ST3GAL1: variants seen among roughly 807,000 people sequenced by gnomAD.
The protein encoded by ST3GAL1 is ST3 beta-galactoside alpha-2,3-sialyltransferase 1.
A neutral mutation model predicts 34.1 loss-of-function variants in ST3GAL1; 16 were observed. That is an observed-to-expected ratio of 0.47 (90% CI 0.32 to 0.71). The LOEUF is 0.71. ST3GAL1 is among the 30% of genes least tolerant of loss of function. The probability of loss-of-function intolerance (pLI) is 0.04; values close to 1 mark genes in which losing one functional copy is unlikely to be tolerated. For missense variants in ST3GAL1, 353 were observed against 447.4 expected (o/e 0.79, Z 1.90); for synonymous variants, 191 against 184.7 (o/e 1.03, Z -0.28).
At chr8:133,471,578 C>T (rs1815964114) in intron 5 of ST3GAL1, among the ~76,000 whole-genome samples, 1 of 152,166 alleles carries the variant, frequency 6.6e-6, no homozygotes, top group African/African-American at 2.4e-5. Context: ...AAGTGAGTTT[C>T]CCAGGACCAA....
At chr8:133,470,193 G>A (rs890897740) in intron 5 of ST3GAL1, among the ~76,000 whole-genome samples, 13 of 152,212 alleles carry the variant, frequency 8.5e-5, no homozygotes, top group Non-Finnish European at 1.9e-4. Context: ...GCCAAGGCGG[G>A]TGGGTCACCT....
chr8:133,467,114 C>T lies in ST3GAL1; in HGVS notation c.307-1024G>A, dbSNP rs907564296. Among the ~76,000 whole-genome samples, 4 of 150,612 alleles carry T rather than the reference C, an allele frequency of 2.7e-5. No individual in the cohort carries two copies. Among genetic ancestry groups the T allele is most frequent in the African/African-American group, 7.3e-5 (3 of 41,070 alleles). Reference sequence around the variant, plus strand: ...CAACTCGAAAAAAAAAAAAAAAAGACCTAGCTCGAGGGTCAGCTGCTCGCA... The same window carrying T: ...CAACTCGAAAAAAAAAAAAAAAAGATCTAGCTCGAGGGTCAGCTGCTCGCA... On this transcript the variant is annotated intron_variant, in intron 5 of 9. Coordinates refer to ENST00000522652, the MANE Select transcript of ST3GAL1 (RefSeq NM_173344.3). The surrounding 1 kb of genome is among the most constrained non-coding windows in gnomAD (Gnocchi z 4.2).
At chr8:133,550,939 A>G (rs532409242) in intron 1 of ST3GAL1, among the ~76,000 whole-genome samples, 84 of 152,330 alleles carry the variant, frequency 5.5e-4, no homozygotes, top group Middle Eastern at 6.8e-3. Flanking sequence ...CTAGAAGTAA[A>G]GCTGGATACC....
chr8:133,530,265 CT>C (rs370726563), intron 2 of ST3GAL1, among the ~76,000 whole-genome samples: 85 of 140,808 alleles, frequency 6.0e-4, no homozygotes, highest in African/African-American at 1.9e-3. Flanking sequence ...CTGAGGCCTT[CT>C]TTTTTTTTTC....
intron 1 of ST3GAL1, among the ~76,000 whole-genome samples, chr8:133,551,925 G>C (rs560472788): frequency 1.3e-5 from 2 of 152,356 alleles, no homozygotes; most frequent in African/African-American, 4.8e-5. Flanking sequence ...ATGGAGGCTT[G>C]AGGAGATTAA....
chr8:133,507,751 G>A (rs373896149), intron 2 of ST3GAL1, among the ~76,000 whole-genome samples: 2 of 152,166 alleles, frequency 1.3e-5, no homozygotes, highest in African/African-American at 2.4e-5. Context: ...AGCAAATTAC[G>A]CCCGGTGACC....
intron 9 of ST3GAL1, among the ~76,000 whole-genome samples, chr8:133,460,163 C>A (rs1232992430): frequency 6.6e-6 from 1 of 152,208 alleles, no homozygotes; most frequent in Non-Finnish European, 1.5e-5. Flanking sequence ...TCCAGAAGCA[C>A]CCTGAGAGAT....
In ST3GAL1 at chr8:133,469,588, C is replaced by T. The variant is rs917251776; in HGVS notation, c.307-3498G>A. On this transcript the variant is annotated intron_variant, in intron 5 of 9. Coordinates refer to ENST00000522652, the MANE Select transcript of ST3GAL1 (RefSeq NM_173344.3). The surrounding 1 kb of genome is among the most constrained non-coding windows in gnomAD (Gnocchi z 4.3). ...ACCACACGTAGAAAGCAAGAATTAC[C>T]TGGCAGAAGTAAAATGGTAGTTGTA... is the stretch of plus-strand genomic sequence containing the variant. Among the ~76,000 whole-genome samples, 1 of 152,224 alleles carries T rather than the reference C, an allele frequency of 6.6e-6. No homozygotes were observed. Among genetic ancestry groups the T allele is most frequent in the African/African-American group, 2.4e-5 (1 of 41,454 alleles).
rs1318123575 is a variant in ST3GAL1, at chr8:133,571,715, T to G, written c.-604A>C. ...CACCACGGCTGGAGACACGCTGGAGTTTCCGGGATTTGGGCATGAAGGGGT... is the reference window on the plus strand; with the variant it reads ...CACCACGGCTGGAGACACGCTGGAGGTTCCGGGATTTGGGCATGAAGGGGT... On this transcript the variant is annotated 5_prime_UTR_variant, in exon 1 of 10. Transcript: ENST00000522652. The surrounding 1 kb of genome is among the most constrained non-coding windows in gnomAD (Gnocchi z 6.7). 2 of 151,714 alleles carry G rather than the reference T, an allele frequency of 1.3e-5. No homozygotes were observed. The highest frequency in any genetic ancestry group is 2.9e-5 in the Non-Finnish European group (2 of 68,184). The allele number at this position is 151,714 out of a possible 1,614,324, so 9.4% of individuals were successfully genotyped here.
intron 3 of ST3GAL1, among the ~76,000 whole-genome samples, chr8:133,489,254 T>C (rs932324178): frequency 3.3e-5 from 5 of 152,154 alleles, no homozygotes; most frequent in Non-Finnish European, 7.4e-5. Flanking sequence ...ATTTGTGTCC[T>C]GCCAGCACCA....
At chr8:133,512,853 A>G (rs1171581747) in intron 2 of ST3GAL1, among the ~76,000 whole-genome samples, 1 of 152,272 alleles carries the variant, frequency 6.6e-6, no homozygotes, top group Non-Finnish European at 1.5e-5. Context: ...TGGGTTTAAG[A>G]ACATCTTTGA....
chr8:133,503,273 TA>T (rs1817238997), intron 2 of ST3GAL1, among the ~76,000 whole-genome samples: 1 of 152,186 alleles, frequency 6.6e-6, no homozygotes, highest in Non-Finnish European at 1.5e-5. Context: ...AAGAACTGAG[TA>T]GATAGTCAGG....
chr8:133,565,151 CTGTGTG>C lies in ST3GAL1; in HGVS notation c.-582+6536_-582+6541del, dbSNP rs60990775. On this transcript the variant is annotated intron_variant, in intron 1 of 9. Transcript: ENST00000522652. The stretch of plus-strand genomic sequence containing the variant: ...CAAATGAGATAACAGCTCTGTGTGC[CTGTGTG>C]TGTGTGTGTGTGTGTGTGTGTGTGT... Among the ~76,000 whole-genome samples, 119 of 139,406 alleles carry C rather than the reference CTGTGTG, an allele frequency of 8.5e-4. 1 individual carries two copies. Among genetic ancestry groups the C allele is most frequent in the South Asian group, 5.1e-3 (21 of 4,126 alleles). 91.5% of individuals were successfully genotyped at this position (139,406 alleles called of 152,430 possible).
At chr8:133,478,764 G>T (rs1454692082) in intron 3 of ST3GAL1, among the ~76,000 whole-genome samples, 1 of 152,136 alleles carries the variant, frequency 6.6e-6, no homozygotes, top group Non-Finnish European at 1.5e-5. Flanking sequence ...GCTCCCTAGG[G>T]TCCTGGCTGC....
At chr8:133,539,459 G>C (rs981939554) in intron 2 of ST3GAL1, among the ~76,000 whole-genome samples, 5 of 152,144 alleles carry the variant, frequency 3.3e-5, no homozygotes, top group Non-Finnish European at 4.4e-5. Flanking sequence ...CTTATCTAGG[G>C]CTTGCATTTT....
At chr8:133,519,673 C>T (rs1222832454) in intron 2 of ST3GAL1, among the ~76,000 whole-genome samples, 4 of 152,166 alleles carry the variant, frequency 2.6e-5, no homozygotes, top group East Asian at 3.9e-4. Flanking sequence ...AGGCCGGGCT[C>T]GGGAGCGCAC....
chr8:133,463,349 C>G (rs1166288291), intron 8 of ST3GAL1, 65 bp downstream of exon 8: 21 of 1,590,238 alleles, frequency 1.3e-5, no homozygotes, highest in Non-Finnish European at 1.8e-5. Context: ...AATGCCGTAC[C>G]TTAGAGCAGA....
chr8:133,560,094 A>G lies in ST3GAL1; in HGVS notation c.-582+11599T>C, dbSNP rs1237726031. Among the ~76,000 whole-genome samples, 7 of 152,172 alleles carry G rather than the reference A, an allele frequency of 4.6e-5. No individual in the cohort carries two copies. The East Asian group carries it at 1.2e-3, about 25-fold the overall frequency. The stretch of plus-strand genomic sequence containing the variant: ...ACAAGGATTTATAATATATTTTCAT[A>G]TTTTCAAATAGCTAGAAGAGAGGAT... On this transcript the variant is annotated intron_variant, in intron 1 of 9. Transcript: ENST00000522652.
intron 2 of ST3GAL1, among the ~76,000 whole-genome samples, chr8:133,532,135 G>T (rs114667730): frequency 6.5e-4 from 99 of 152,272 alleles, no homozygotes; most frequent in African/African-American, 2.2e-3. Flanking sequence ...TAATTTTGTT[G>T]TTGTTGTTGT....
Sources: gnomAD v4.1 joint callset for allele counts (sites outside exome capture counted in the v4.1 genomes callset) on GRCh38, gnomAD v4.1.1 for gene constraint, Gnocchi (gnomAD v3.1) non-coding constraint, MANE v1.5 for transcripts, NCBI Gene and HGNC (gene_info 2026-07-23, HGNC 2026-07-21) for gene names.